TMED7: variants seen among roughly 807,000 people sequenced by gnomAD.
TMED7 encodes transmembrane emp24 domain-containing protein 7.
Under a neutral mutation model 23.4 loss-of-function variants are expected in TMED7, and 8 were observed. The ratio of observed to expected loss-of-function variants is 0.34; its 90% CI spans 0.20 to 0.62. The LOEUF is 0.62. Among genes scored for constraint, TMED7 ranks in the 20% least tolerant of loss-of-function variants. The probability of loss-of-function intolerance (pLI) is 0.77; values close to 1 mark genes in which losing one functional copy is unlikely to be tolerated. For missense variants in TMED7, 232 were observed against 279.1 expected, an observed-to-expected ratio of 0.83 and a Z score of 1.20; for synonymous variants, 121 against 108.5, an observed-to-expected ratio of 1.12 and a Z score of -0.72.
intron 2 of TMED7, among the ~76,000 whole-genome samples, chr5:115,617,784 C>A (rs1426680494): frequency 6.6e-6 from 1 of 152,200 alleles, no homozygotes; most frequent in Non-Finnish European, 1.5e-5. Flanking sequence ...TACATGCATT[C>A]TACAACTTTT....
Position 115,625,940 on chromosome 5 carries a change from G to C in TMED7, c.-148C>G, listed in dbSNP as rs911273863. On this transcript the variant is annotated 5_prime_UTR_variant, in exon 1 of 3. Transcript: ENST00000456936. ...CACGCCTGTGGGAGATTCGGGATCA[G>C]AGCGACCCTCCGGCTTCCTGTGAGG... 1.8e-5 allele frequency: 21 copies of C among 1,147,154 alleles called. No individual in the cohort carries two copies. Among genetic ancestry groups the C allele is most frequent in the African/African-American group, 1.1e-4 (7 of 61,750 alleles). The allele number at this position is 1,147,154 out of a possible 1,614,324, so 71.1% of individuals were successfully genotyped here.
Position 115,620,697 on chromosome 5 carries a change from A to G in TMED7, c.193-17T>C, listed in dbSNP as rs759426903. 7.3e-7 allele frequency: 1 copy of G among 1,374,514 alleles called. No individual in the cohort carries two copies. The highest frequency in any genetic ancestry group is 9.5e-7 in the Non-Finnish European group (1 of 1,056,608). The allele number at this position is 1,374,514 out of a possible 1,614,324, so 85.1% of individuals were successfully genotyped here. ...AGTAATCACCTGTAAGAGATTAAAAAAGAAAAATCACTGTGAAAAGTGTGA... is the reference window on the plus strand; with the variant it reads ...AGTAATCACCTGTAAGAGATTAAAAGAGAAAAATCACTGTGAAAAGTGTGA... On this transcript the variant is annotated splice_polypyrimidine_tract_variant and intron_variant, in intron 1 of 2. Coordinates refer to ENST00000456936, the MANE Select transcript of TMED7 (RefSeq NM_181836.6).
At position 115,616,169 on chromosome 5, in the gene TMED7, A is replaced by G; in HGVS notation, c.*40T>C. ...ACCTAAAATTAATTAGAGGACAGCA[A>G]TATTACAGTGGCAATGGTGCATCAA... On this transcript the variant is annotated 3_prime_UTR_variant, in exon 3 of 3. Coordinates refer to ENST00000456936, the MANE Select transcript of TMED7 (RefSeq NM_181836.6). 1 of 1,572,276 alleles carries G rather than the reference A, an allele frequency of 6.4e-7. No homozygotes were observed. The highest frequency in any genetic ancestry group is 8.8e-7 in the Non-Finnish European group (1 of 1,142,636).
intron 2 of TMED7, among the ~76,000 whole-genome samples, chr5:115,616,880 G>C (rs1330784621): frequency 2.0e-5 from 3 of 151,928 alleles, no homozygotes; most frequent in Non-Finnish European, 2.9e-5. Flanking sequence ...ACAAAGCACA[G>C]TACAAAAAAA....
chr5:115,620,963 A>G (rs776968245), intron 1 of TMED7, among the ~76,000 whole-genome samples: 2 of 152,162 alleles, frequency 1.3e-5, no homozygotes, highest in Non-Finnish European at 2.9e-5. Context: ...ACCCTACAAT[A>G]TACTTTTTTC....
intron 2 of TMED7, among the ~76,000 whole-genome samples, chr5:115,618,502 C>T (rs891294603): frequency 4.3e-4 from 66 of 152,070 alleles, no homozygotes; most frequent in African/African-American, 1.4e-3. Flanking sequence ...CTTGTTTTTC[C>T]TTTTTTCCTT....
Position 115,625,673 on chromosome 5 carries a change from C to T in TMED7, c.120G>A (p.Glu40=). The change falls in exon 1 of 3, where the codon GAG becomes GAA. Residue 40 remains glutamate (E), a synonymous_variant. Coordinates refer to ENST00000456936, the MANE Select transcript of TMED7 (RefSeq NM_181836.6). The stretch of plus-strand genomic sequence containing the variant: ...AGCACTGCTTGGCGTTGTCAGGAAG[C>T]TCGAAGGTGATCTCAGAGGCGCCGC... The part of the protein sequence containing the change: ...GPGGASEITF[E]LPDNAKQCFY... 6.2e-7 allele frequency: 1 copy of T among 1,603,686 alleles called. No individual in the cohort carries two copies. The highest frequency in any genetic ancestry group is 8.5e-7 in the Non-Finnish European group (1 of 1,175,766).
intron 2 of TMED7, chr5:115,620,113 A>T: frequency 5.3e-6 from 1 of 189,930 alleles, no homozygotes; most frequent in Non-Finnish European, 1.1e-5. Flanking sequence ...TTCAGGGATT[A>T]AAGAAAATGC....
At chr5:115,622,643 G>C (rs1043342870) in intron 1 of TMED7, among the ~76,000 whole-genome samples, 1 of 151,852 alleles carries the variant, frequency 6.6e-6, no homozygotes, top group Non-Finnish European at 1.5e-5. Flanking sequence ...AATGTCTCCT[G>C]GGAAGAAGGG....
In TMED7 at chr5:115,625,380, G is replaced by C. The variant is rs540390585; in HGVS notation, c.192+221C>G. Among the ~76,000 whole-genome samples, 12 of 152,294 alleles carry C rather than the reference G, an allele frequency of 7.9e-5. No homozygotes were observed. In the South Asian group the frequency reaches 2.5e-3, roughly 32 times the overall value. ...AAATGAGATGGAAAGAAATGCTAAA[G>C]GGAGCATTTCTGGAATTCATATATT... On this transcript the variant is annotated intron_variant, in intron 1 of 2. Transcript: ENST00000456936.
At chr5:115,616,578 C>A in intron 2 of TMED7, 133 bp from the exon 3 acceptor site, 5 of 1,308,204 alleles carry the variant, frequency 3.8e-6, no homozygotes, top group Non-Finnish European at 5.2e-6. Context: ...TTCATTCATA[C>A]ATTTATGCCA....
chr5:115,620,179 T>C (rs1036817166), intron 2 of TMED7: 5 of 335,084 alleles, frequency 1.5e-5, no homozygotes, highest in Non-Finnish European at 4.8e-6. Context: ...CACTGATGTT[T>C]CTACCTTAGT....
At position 115,625,796 on chromosome 5, in the gene TMED7, G is replaced by T; in HGVS notation, c.-4C>A. 7.1e-7 allele frequency: 1 copy of T among 1,415,464 alleles called. No homozygotes were observed. Among genetic ancestry groups the T allele is most frequent in the South Asian group, 1.6e-5 (1 of 62,942 alleles). 87.7% of individuals were successfully genotyped at this position (1,415,464 alleles called of 1,614,324 possible). A position where few individuals can be genotyped will look rare whatever the true frequency, so the allele number is the denominator to read the frequency against. On this transcript the variant is annotated 5_prime_UTR_variant, in exon 1 of 3. Coordinates refer to ENST00000456936, the MANE Select transcript of TMED7 (RefSeq NM_181836.6). Reference sequence around the variant, plus strand: ...GCGCGGACCCCGGCCGCGGCATCCCGAGAAGGCGGCGGCGGCCTCAACCGA... The same window carrying T: ...GCGCGGACCCCGGCCGCGGCATCCCTAGAAGGCGGCGGCGGCCTCAACCGA...
chr5:115,616,366 G>A lies in TMED7; in HGVS notation c.518C>T (p.Ala173Val), dbSNP rs755946521. 6.2e-7 allele frequency: 1 copy of A among 1,614,164 alleles called. No homozygotes were observed. The highest frequency in any genetic ancestry group is 1.1e-5 in the South Asian group (1 of 91,082). The change falls in exon 3 of 3, where the codon GCT becomes GTT. Residue 173 changes from alanine to valine, a missense_variant. Physicochemically the swap from Ala to Val is moderately conservative, Grantham distance 64. Coordinates refer to ENST00000456936, the MANE Select transcript of TMED7 (RefSeq NM_181836.6). ...DYQTHFRLRE[A>V]QGRSRAEDLN... ...ATCCTCTGCTCGGCTTCGGCCTTGA[G>A]CTTCTCTTAAACGGAAATGAGTCTG...
rs1756744196 is a variant in TMED7 at position 115,616,376 on chromosome 5, A to T, written c.508T>A (p.Leu170Ile). The T allele has an allele frequency of 1.2e-6, 2 of 1,614,052 alleles. No homozygotes were observed. The highest frequency in any genetic ancestry group is 8.5e-7 in the Non-Finnish European group (1 of 1,180,014). The change falls in exon 3 of 3, where the codon TTA becomes ATA. Residue 170 changes from leucine (L) to isoleucine (I), a missense_variant. Leu to Ile is a conservative substitution (Grantham distance 5, BLOSUM62 2). Coordinates refer to ENST00000456936, the MANE Select transcript of TMED7 (RefSeq NM_181836.6). The part of the protein sequence containing the change: ...SVIDYQTHFR[L>I]REAQGRSRAE... Reference sequence around the variant, plus strand: ...CGGCTTCGGCCTTGAGCTTCTCTTAAACGGAAATGAGTCTGATAATCGATG... The same window carrying T: ...CGGCTTCGGCCTTGAGCTTCTCTTATACGGAAATGAGTCTGATAATCGATG...
At position 115,626,023 on chromosome 5, in the gene TMED7, CG is replaced by C. The variant is rs1406095919; in HGVS notation, c.-232del. The C allele has an allele frequency of 2.2e-6, 1 of 460,832 alleles. No homozygotes were observed. The highest frequency in any genetic ancestry group is 3.5e-6 in the Non-Finnish European group (1 of 287,100). 28.5% of individuals were successfully genotyped at this position (460,832 alleles called of 1,614,324 possible). A position where few individuals can be genotyped will look rare whatever the true frequency, so the allele number is the denominator to read the frequency against. On this transcript the variant is annotated 5_prime_UTR_variant, in exon 1 of 3. Transcript: ENST00000456936. ...AGAAGCGGAAAAGGCCTGAGAGGGT[CG>C]GAAGTGGGGATTAGCCTTTCGGGGG...
intron 2 of TMED7, among the ~76,000 whole-genome samples, chr5:115,617,075 A>C (rs1465919554): frequency 6.6e-6 from 1 of 152,206 alleles, no homozygotes; most frequent in African/African-American, 2.4e-5. Flanking sequence ...TATGTTCCCA[A>C]CAGGATGCAA....
chr5:115,620,465 A>C lies in TMED7; in HGVS notation c.408T>G (p.Pro136=). The change falls in exon 2 of 3, where the codon CCT becomes CCG. Residue 136 remains proline, a synonymous_variant. Transcript: ENST00000456936. The part of the protein sequence containing the change: ...FQVGEDPPLF[P]SENRVSALTQ... Reference sequence around the variant, plus strand: ...TAAGAGCACTGACTCGGTTCTCACTAGGAAACAAAGGTGGGTCTTCTCCAA... The same window carrying C: ...TAAGAGCACTGACTCGGTTCTCACTCGGAAACAAAGGTGGGTCTTCTCCAA... 1 of 1,568,938 alleles carries C rather than the reference A, an allele frequency of 6.4e-7. No individual in the cohort carries two copies. The highest frequency in any genetic ancestry group is 8.6e-7 in the Non-Finnish European group (1 of 1,158,886).
chr5:115,616,574 C>T, intron 2 of TMED7, 129 bp from the exon 3 acceptor site: 2 of 1,355,540 alleles, frequency 1.5e-6, no homozygotes, highest in Non-Finnish European at 2.0e-6. Context: ...GGCATTCATT[C>T]ATACATTTAT....
Sources: allele counts gnomAD v4.1 joint callset (sites outside exome capture counted in the v4.1 genomes callset), GRCh38; gene constraint gnomAD v4.1.1; transcripts MANE v1.5; gene names NCBI Gene and HGNC (gene_info 2026-07-23, HGNC 2026-07-21).